Variants in MSI1 observed in about 807,000 individuals in gnomAD.
MSI1 encodes musashi RNA binding protein 1.
Under a neutral mutation model 54.4 loss-of-function variants are expected in MSI1, and 15 were observed. The observed-to-expected ratio is 0.28, with a 90% confidence interval of 0.18 to 0.42. MSI1 has a LOEUF of 0.42. MSI1 is among the 20% of genes least tolerant of loss of function. The pLI is 1.00. For missense variants in MSI1, 304 were observed against 506.0 expected, an observed-to-expected ratio of 0.60 and a Z score of 3.83; for synonymous variants, 200 against 196.5, an observed-to-expected ratio of 1.02 and a Z score of -0.15.
rs1287732568 is a variant in MSI1 at position 120,357,826 on chromosome 12, T to C, written c.524A>G (p.Asn175Ser). ...CCGGACCCAACTCACCATTTTGTTG[T>C]TGATTTCATGAAAATGAATTTCACA... is the stretch of plus-strand genomic sequence containing the variant. ...KVCEIHFHEI[N>S]NKMVECKKAQ... is the part of the protein sequence containing the mutation. Residue 175 changes from asparagine to serine, a missense_variant, in exon 8 of 15, where the codon AAC becomes AGC. By Grantham distance (46) the Asn-to-Ser change is conservative (BLOSUM62 1). This residue lies in a region of MSI1 where 105 missense variants were observed against 230.1 expected (regional missense o/e 0.46). Coordinates refer to ENST00000257552, the MANE Select transcript of MSI1 (RefSeq NM_002442.4). 3 of 1,614,136 alleles carry C rather than the reference T, an allele frequency of 1.9e-6. No individual in the cohort carries two copies. Among genetic ancestry groups the C allele is most frequent in the Non-Finnish European group, 2.5e-6 (3 of 1,180,000 alleles).
rs945029664 is a variant in MSI1 at position 120,342,690 on chromosome 12, G to A, written c.*437C>T. 1 of 151,280 alleles carries A rather than the reference G, an allele frequency of 6.6e-6. No individual in the cohort carries two copies. Among genetic ancestry groups the A allele is most frequent in the Admixed American group, 6.6e-5 (1 of 15,186 alleles). 9.4% of individuals were successfully genotyped at this position (151,280 alleles called of 1,614,324 possible). The stretch of plus-strand genomic sequence containing the variant: ...AAAAAAAAAGGGAAAGGGTAAAGGA[G>A]GGGAAATCTGAATAAAAAACAGGGG... On this transcript the variant is annotated 3_prime_UTR_variant, in exon 15 of 15. Transcript: ENST00000257552.
At chr12:120,358,009 T>A in intron 7 of MSI1, 111 bp from the exon 8 acceptor site, 1 of 871,294 alleles carries the variant, frequency 1.1e-6, no homozygotes, top group Non-Finnish European at 1.9e-6. Context: ...GAGTGAGAGT[T>A]AATGAAAGGC....
At chr12:120,358,965 A>C (rs997282403) in intron 7 of MSI1, 40 bp downstream of exon 7, 2 of 1,557,688 alleles carry the variant, frequency 1.3e-6, no homozygotes, top group African/African-American at 2.7e-5. Context: ...CTGGCTGACC[A>C]CGGGGCCCAG....
Position 120,368,799 on chromosome 12 carries a change from T to C in MSI1, c.100+34A>G. 1.4e-6 allele frequency: 2 copies of C among 1,419,870 alleles called. No individual in the cohort carries two copies. The highest frequency in any genetic ancestry group is 1.9e-6 in the Non-Finnish European group (2 of 1,072,166). The allele number at this position is 1,419,870 out of a possible 1,614,324, so 88.0% of individuals were successfully genotyped here. ...GGGCGCCGGGGGGTCCGGGGTGCCC[T>C]GCCGGACCGGCGGGCGCTCCCGGGC... is the stretch of plus-strand genomic sequence containing the variant. On this transcript the variant is annotated intron_variant, in intron 2 of 14. Transcript: ENST00000257552. This position sits in a 1 kb window ranked among gnomAD's most constrained non-coding sequence, Gnocchi z 6.6.
intron 6 of MSI1, among the ~76,000 whole-genome samples, chr12:120,361,107 G>A (rs1379356344): frequency 6.6e-6 from 1 of 152,180 alleles, no homozygotes; most frequent in Non-Finnish European, 1.5e-5. Flanking sequence ...AAGCTGGGGA[G>A]AGAGCAGCCA....
At chr12:120,351,865 C>G (rs1874638119) in intron 10 of MSI1, among the ~76,000 whole-genome samples, 1 of 151,550 alleles carries the variant, frequency 6.6e-6, no homozygotes, top group Non-Finnish European at 1.5e-5. Context: ...CCCGCCACCA[C>G]GCCCGGATAA....
chr12:120,347,427 G>A lies in MSI1; in HGVS notation c.859+19C>T. 2 of 1,613,686 alleles carry A rather than the reference G, an allele frequency of 1.2e-6. No individual in the cohort carries two copies. The highest frequency in any genetic ancestry group is 1.3e-5 in the African/African-American group (1 of 75,012). On this transcript the variant is annotated intron_variant, in intron 12 of 14. Transcript: ENST00000257552. Reference sequence around the variant, plus strand: ...CCTGTGCTCCCTCATCTCTCTTCCTGCACCTCAGAAGAGCTCACCTGTCCC... The same window carrying A: ...CCTGTGCTCCCTCATCTCTCTTCCTACACCTCAGAAGAGCTCACCTGTCCC...
rs1177048400 is a variant in MSI1 at position 120,341,473 on chromosome 12, T to C, written c.*1654A>G. On this transcript the variant is annotated 3_prime_UTR_variant, in exon 15 of 15. Transcript: ENST00000257552. ...TGTAACATCTTAAAAAAAAAAAAAA[T>C]CCCAAAGCAAATCAGAAAACGGAAT... is the stretch of plus-strand genomic sequence containing the variant. 1.4e-5 allele frequency: 2 copies of C among 146,930 alleles called. No homozygotes were observed. The highest frequency in any genetic ancestry group is 3.0e-5 in the Non-Finnish European group (2 of 66,546). The allele number at this position is 146,930 out of a possible 1,614,324, so 9.1% of individuals were successfully genotyped here.
Position 120,359,052 on chromosome 12 carries a change from A to G in MSI1, c.404T>C (p.Val135Ala). 1 of 1,555,464 alleles carries G rather than the reference A, an allele frequency of 6.4e-7. No individual in the cohort carries two copies. The highest frequency in any genetic ancestry group is 8.7e-7 in the Non-Finnish European group (1 of 1,149,106). Residue 135 changes from valine to alanine, a missense_variant and splice_region_variant, in exon 7 of 15, where the codon GTG becomes GCG. Transcript: ENST00000257552. Reference protein sequence around the residue: ...VKQYFEQFGKVDDAMLMFDKT... With the variant: ...VKQYFEQFGKADDAMLMFDKT... ...GTCAAACATCAGCATGGCGTCGTCCACCTGAAACACAGCCCGCCATGGAGG... is the reference window on the plus strand; with the variant it reads ...GTCAAACATCAGCATGGCGTCGTCCGCCTGAAACACAGCCCGCCATGGAGG...
rs1333015652 is a variant in MSI1, at chr12:120,368,323, C to A, written c.101-50G>T. ...ACCAGCCCGGGCCCCGCGCCCTTCC[C>A]CCCCCCCCGTCCTTTGCCCCCGGTG... is the stretch of plus-strand genomic sequence containing the variant. On this transcript the variant is annotated intron_variant, in intron 2 of 14. Coordinates refer to ENST00000257552, the MANE Select transcript of MSI1 (RefSeq NM_002442.4). This position sits in a 1 kb window ranked among gnomAD's most constrained non-coding sequence, Gnocchi z 6.6. 6.9e-7 allele frequency: 1 copy of A among 1,453,250 alleles called. No individual in the cohort carries two copies. The allele number at this position is 1,453,250 out of a possible 1,614,324, so 90.0% of individuals were successfully genotyped here.
chr12:120,360,657 T>A (rs1179447), intron 6 of MSI1, among the ~76,000 whole-genome samples: 109,813 of 152,032 alleles, frequency 0.72, 39,887 homozygotes, highest in South Asian at 0.79. Context: ...ATTGTGGTCA[T>A]AGCACAGGCT....
chr12:120,340,424 G>A (rs1439391685), downstream of MSI1, among the ~76,000 whole-genome samples: 1 of 152,158 alleles, frequency 6.6e-6, no homozygotes, highest in South Asian at 2.1e-4. Context: ...ACATAATTGA[G>A]TGGCTTTTTC....
Position 120,357,858 on chromosome 12 carries a change from C to A in MSI1, c.492G>T (p.Glu164Asp). 2 of 1,614,196 alleles carry A rather than the reference C, an allele frequency of 1.2e-6. No individual in the cohort carries two copies. The highest frequency in any genetic ancestry group is 1.7e-6 in the Non-Finnish European group (2 of 1,180,032). ...CATGAAAATGAATTTCACACACTTT[C>A]TCCACGATGTCCTCACTCTCAAACG... The part of the protein sequence containing the change: ...FVTFESEDIV[E>D]KVCEIHFHEI... The change falls in exon 8 of 15, where the codon GAG becomes GAT. Residue 164 changes from glutamate to aspartate, a missense_variant. By Grantham distance (45) the Glu-to-Asp change is conservative (BLOSUM62 2). Around this residue, in one of 4 missense-constraint regions of MSI1, gnomAD observed 105 missense variants for 230.1 expected, o/e 0.46. Coordinates refer to ENST00000257552, the MANE Select transcript of MSI1 (RefSeq NM_002442.4).
Position 120,349,262 on chromosome 12 carries a change from A to AT in MSI1, c.791-1749dup, listed in dbSNP as rs758962750. ...AGGTGTGCACCATCATGCCTGGCTA[A>AT]TTTTTTTTGTATTTTTAGTAGAGAT... On this transcript the variant is annotated intron_variant, in intron 11 of 14. Coordinates refer to ENST00000257552, the MANE Select transcript of MSI1 (RefSeq NM_002442.4). 9.0e-4 allele frequency among the ~76,000 whole-genome samples: 136 copies of AT among 151,410 alleles called. 2 individuals are homozygous for AT. Among genetic ancestry groups the AT allele is most frequent in the Non-Finnish European group, 4.3e-4 (29 of 67,812 alleles).
intron 5 of MSI1, among the ~76,000 whole-genome samples, chr12:120,364,450 G>A (rs1315892755): frequency 6.6e-6 from 1 of 152,094 alleles, no homozygotes; most frequent in East Asian, 1.9e-4. Context: ...AATACAGGAC[G>A]ATGAATCCTC....
In MSI1 at chr12:120,368,209, G is replaced by C; in HGVS notation, c.165C>G (p.Pro55=). The C allele has an allele frequency of 6.3e-7, 1 of 1,587,174 alleles. No individual in the cohort carries two copies. The highest frequency in any genetic ancestry group is 1.1e-5 in the South Asian group (1 of 87,642). ...EVKECLVMRD[P]LTKRSRGFGF... is the part of the protein sequence containing the mutation. ...GGGCTCACCTGGATCTCTTGGTCAG[G>C]GGGTCCCGCATCACCAGACACTCCT... Residue 55 remains proline, a synonymous_variant, in exon 3 of 15, where the codon CCC becomes CCG. Transcript: ENST00000257552. This position sits in a 1 kb window ranked among gnomAD's most constrained non-coding sequence, Gnocchi z 6.6.
In MSI1 at chr12:120,368,919, G is replaced by A. The variant is rs1164999194; in HGVS notation, c.60-46C>T. ...CAAAGGGCCCGCGTGAGCGCCGGGC[G>A]CCAGGGCGCAGGGGGCGCGGGCCCG... On this transcript the variant is annotated intron_variant, in intron 1 of 14. Coordinates refer to ENST00000257552, the MANE Select transcript of MSI1 (RefSeq NM_002442.4). This position sits in a 1 kb window ranked among gnomAD's most constrained non-coding sequence, Gnocchi z 6.6. The A allele has an allele frequency of 2.2e-6, 3 of 1,348,132 alleles. No individual in the cohort carries two copies. Among genetic ancestry groups the A allele is most frequent in the Non-Finnish European group, 2.9e-6 (3 of 1,031,110 alleles). 83.5% of individuals were successfully genotyped at this position (1,348,132 alleles called of 1,614,324 possible).
In MSI1 at chr12:120,347,474, C is replaced by T. The variant is rs561139090; in HGVS notation, c.831G>A (p.Ala277=). 1.0e-4 allele frequency: 162 copies of T among 1,614,130 alleles called. No homozygotes were observed. The highest frequency in any genetic ancestry group is 1.5e-4 in the South Asian group (14 of 91,090). Residue 277 remains alanine (A), a synonymous_variant, in exon 12 of 15, where the codon GCG becomes GCA. Transcript: ENST00000257552. The part of the protein sequence containing the change: ...LTAYGPMAAA[A]AAAAVVRGTG... Reference sequence around the variant, plus strand: ...TCCCTCGAACCACAGCCGCTGCCGCCGCTGCCGCCGCCATTGGTCCGTAGG... The same window carrying T: ...TCCCTCGAACCACAGCCGCTGCCGCTGCTGCCGCCGCCATTGGTCCGTAGG...
chr12:120,362,005 G>A (rs1481365005), intron 6 of MSI1, among the ~76,000 whole-genome samples: 1 of 151,892 alleles, frequency 6.6e-6, no homozygotes, highest in Non-Finnish European at 1.5e-5. Context: ...CGCCGCAGCC[G>A]AGCCGGGCCT....
Sources: allele counts gnomAD v4.1 joint callset (sites outside exome capture counted in the v4.1 genomes callset), GRCh38; gene constraint gnomAD v4.1.1; regional missense constraint gnomAD v4.1.1; non-coding constraint Gnocchi (gnomAD v3.1); transcripts MANE v1.5; gene names NCBI Gene and HGNC (gene_info 2026-07-23, HGNC 2026-07-21).